Variants in CDH2 observed in about 807,000 individuals in gnomAD.
The protein encoded by CDH2 is cadherin-2.
Under a neutral mutation model 92.0 loss-of-function variants are expected in CDH2, and 17 were observed. The observed-to-expected ratio is 0.18, with a 90% confidence interval of 0.13 to 0.28. The LOEUF is 0.28. Among genes scored for constraint, CDH2 ranks in the 10% least tolerant of loss-of-function variants. CDH2 has a pLI of 1.00. For missense variants in CDH2, 862 were observed against 1,133.1 expected, an observed-to-expected ratio of 0.76 and a Z score of 3.44; for synonymous variants, 419 against 415.9, an observed-to-expected ratio of 1.01 and a Z score of -0.09.
chr18:27,942,943 A>C (rs565410837), intron 6 of CDH2, among the ~76,000 whole-genome samples: 1 of 152,136 alleles, frequency 6.6e-6, no homozygotes, highest in Non-Finnish European at 1.5e-5. Flanking sequence ...AGTGAGTATA[A>C]TAAACCATTA....
intron 1 of CDH2, among the ~76,000 whole-genome samples, chr18:28,167,505 C>T (rs1327086986): frequency 6.6e-6 from 1 of 151,982 alleles, no homozygotes; most frequent in Non-Finnish European, 1.5e-5. Flanking sequence ...AAAGATTCTG[C>T]GTACTGAGTG....
chr18:28,038,646 G>A (rs1025645269), intron 2 of CDH2, among the ~76,000 whole-genome samples: 3 of 151,834 alleles, frequency 2.0e-5, no homozygotes, highest in Admixed American at 2.0e-4. Context: ...AGATTATCTT[G>A]TTTACTTGTC....
At chr18:28,077,568 C>T (rs942957197) in intron 2 of CDH2, among the ~76,000 whole-genome samples, 22 of 152,008 alleles carry the variant, frequency 1.4e-4, no homozygotes, top group Non-Finnish European at 1.9e-4. Context: ...AAACAAACTG[C>T]AAAACACGTA....
At chr18:28,006,293 T>C (rs1374001318) in intron 5 of CDH2, among the ~76,000 whole-genome samples, 1 of 152,164 alleles carries the variant, frequency 6.6e-6, no homozygotes, top group Non-Finnish European at 1.5e-5. Flanking sequence ...AAATTGAGCC[T>C]CAGAAAGACT....
chr18:28,099,165 A>C (rs1189744993), intron 2 of CDH2, among the ~76,000 whole-genome samples: 1 of 152,186 alleles, frequency 6.6e-6, no homozygotes, highest in African/African-American at 2.4e-5. Context: ...ATATTTACTA[A>C]CTTTTGAATT....
chr18:28,104,696 C>CTATA (rs1395751755), intron 2 of CDH2, among the ~76,000 whole-genome samples: 1 of 136,654 alleles, frequency 7.3e-6, no homozygotes, highest in Non-Finnish European at 1.6e-5. Context: ...AAATACATAT[C>CTATA]TATCTATCTA....
intron 15 of CDH2, among the ~76,000 whole-genome samples, chr18:27,962,567 C>T (rs1280616060): frequency 2.6e-5 from 4 of 152,094 alleles, no homozygotes; most frequent in African/African-American, 9.7e-5. Context: ...CTTGGAGACA[C>T]CAATGATATG....
At chr18:28,153,185 C>A (rs569896153) in intron 1 of CDH2, among the ~76,000 whole-genome samples, 2 of 152,236 alleles carry the variant, frequency 1.3e-5, no homozygotes, top group East Asian at 3.9e-4. Context: ...TGGAAAAGGG[C>A]ATTCCAGGCA....
intron 2 of CDH2, among the ~76,000 whole-genome samples, chr18:28,093,635 A>G (rs1380179449): frequency 6.6e-6 from 1 of 152,172 alleles, no homozygotes; most frequent in African/African-American, 2.4e-5. Flanking sequence ...AAATTTAGCT[A>G]TAAGGTTCAG....
chr18:27,943,990 T>A (rs1909205444), intron 6 of CDH2, among the ~76,000 whole-genome samples: 1 of 151,984 alleles, frequency 6.6e-6, no homozygotes. Flanking sequence ...TTTAGATACC[T>A]AAAGATTAAG....
intron 10 of CDH2, 65 bp downstream of exon 10, chr18:27,990,032 A>G: frequency 7.2e-7 from 1 of 1,379,398 alleles, no homozygotes; most frequent in Non-Finnish European, 1.0e-6. Flanking sequence ...AGTGAATTAG[A>G]TAAATTTTAT....
chr18:28,176,603 G>A (rs563175814), intron 1 of CDH2, among the ~76,000 whole-genome samples: 1 of 152,232 alleles, frequency 6.6e-6, no homozygotes, highest in East Asian at 1.9e-4. Context: ...TATGCGAGGG[G>A]CGAAAGGCAC....
rs540361542 is a variant in CDH2 at position 28,039,958 on chromosome 18, G to A, written c.173-26049C>T. Among the ~76,000 whole-genome samples, 4 of 152,184 alleles carry A rather than the reference G, an allele frequency of 2.6e-5. No individual in the cohort carries two copies. In the South Asian group the frequency reaches 8.3e-4, roughly 32 times the overall value. On this transcript the variant is annotated intron_variant, in intron 2 of 15. Coordinates refer to ENST00000269141, the MANE Select transcript of CDH2 (RefSeq NM_001792.5). ...GATGACAATGCATGCTTTAATATTGGCAACAACTGACCGGCAATGCCAAAA... is the reference window on the plus strand; with the variant it reads ...GATGACAATGCATGCTTTAATATTGACAACAACTGACCGGCAATGCCAAAA...
In CDH2 at chr18:28,094,285, G is replaced by A. The variant is rs138801691; in HGVS notation, c.172+53388C>T. ...GCGGATCACTTGAAGCCAGGAGTTC[G>A]AGACCAGCCTGGCCATCATGGTGAA... On this transcript the variant is annotated intron_variant, in intron 2 of 15. Transcript: ENST00000269141. Among the ~76,000 whole-genome samples, 426 of 152,058 alleles carry A rather than the reference G, an allele frequency of 2.8e-3. 2 individuals are homozygous for A. Among genetic ancestry groups the A allele is most frequent in the Middle Eastern group, 0.014 (4 of 294 alleles).
At chr18:28,095,185 T>C (rs1298160876) in intron 2 of CDH2, among the ~76,000 whole-genome samples, 2 of 152,062 alleles carry the variant, frequency 1.3e-5, no homozygotes, top group Non-Finnish European at 2.9e-5. Context: ...CCATGTCCAA[T>C]AAAGCTTCGG....
At chr18:28,077,759 C>T (rs774792311) in intron 2 of CDH2, among the ~76,000 whole-genome samples, 12 of 151,768 alleles carry the variant, frequency 7.9e-5, no homozygotes, top group Admixed American at 1.3e-4. Flanking sequence ...GGTGTGGCAG[C>T]GTGTGCCTAC....
chr18:28,070,449 T>C (rs2014594123), intron 2 of CDH2, among the ~76,000 whole-genome samples: 1 of 152,218 alleles, frequency 6.6e-6, no homozygotes, highest in Admixed American at 6.5e-5. Context: ...CCAAATCAGA[T>C]GCTCTCATTC....
chr18:28,062,285 AGAC>A (rs1350516169), intron 2 of CDH2, among the ~76,000 whole-genome samples: 4 of 152,234 alleles, frequency 2.6e-5, no homozygotes, highest in South Asian at 2.1e-4. Context: ...GCAATAGGAA[AGAC>A]TACTGGTAAA....
intron 2 of CDH2, among the ~76,000 whole-genome samples, chr18:28,120,157 C>G (rs2015563176): frequency 6.6e-6 from 1 of 152,050 alleles, no homozygotes; most frequent in Non-Finnish European, 1.5e-5. Flanking sequence ...ACCACTATGT[C>G]TAAATTATCC....
Sources: gnomAD v4.1 joint callset for allele counts (sites outside exome capture counted in the v4.1 genomes callset) on GRCh38, gnomAD v4.1.1 for gene constraint, MANE v1.5 for transcripts, NCBI Gene and HGNC (gene_info 2026-07-23, HGNC 2026-07-21) for gene names.